Variants in UBQLN4 observed in about 807,000 individuals in gnomAD.
UBQLN4 encodes ubiquilin-4.
UBQLN4 carries 11 observed loss-of-function variants against 60.4 expected under a neutral mutation model. The ratio of observed to expected loss-of-function variants is 0.18; its 90% CI spans 0.11 to 0.30. UBQLN4 has a LOEUF of 0.30. Ranked by LOEUF, UBQLN4 falls within the 10% of genes least tolerant of loss-of-function variation. UBQLN4 has a pLI of 1.00. For missense variants in UBQLN4, 417 were observed against 795.5 expected, an observed-to-expected ratio of 0.52 and a Z score of 5.72; for synonymous variants, 258 against 313.1, an observed-to-expected ratio of 0.82 and a Z score of 1.86.
At chr1:156,042,457 T>A in intron 7 of UBQLN4, 1 of 1,394,996 alleles carries the variant, frequency 7.2e-7, no homozygotes, top group Non-Finnish European at 9.3e-7. Context: ...CAGCCCTGGG[T>A]CTGATGATGA....
At position 156,037,137 on chromosome 1, in the gene UBQLN4, G is replaced by A. The variant is rs1558084341; in HGVS notation, c.1654-7C>T. On this transcript the variant is annotated splice_polypyrimidine_tract_variant and splice_region_variant and intron_variant, in intron 10 of 10. Coordinates refer to ENST00000368309, the MANE Select transcript of UBQLN4 (RefSeq NM_020131.5). ...TCACTTCTGGCGTCTGCACCTGGAG[G>A]GGACAGGCCTTGTGAAGTGGGCACA... 6.2e-7 allele frequency: 1 copy of A among 1,613,542 alleles called. No homozygotes were observed. The highest frequency in any genetic ancestry group is 2.2e-5 in the East Asian group (1 of 44,882).
chr1:156,047,275 ACT>A (rs1182534087), intron 5 of UBQLN4, among the ~76,000 whole-genome samples: 1 of 134,454 alleles, frequency 7.4e-6, no homozygotes, highest in African/African-American at 2.8e-5. Flanking sequence ...ATGGAGTCTC[ACT>A]CTGTCGCCCA....
rs1447519999 is a variant in UBQLN4, at chr1:156,048,984, GAC to G, written c.742-327_742-326del. Among the ~76,000 whole-genome samples the G allele has an allele frequency of 6.6e-6, 1 of 152,198 alleles. No individual in the cohort carries two copies. Among genetic ancestry groups the G allele is most frequent in the Non-Finnish European group, 1.5e-5 (1 of 68,028 alleles). On this transcript the variant is annotated intron_variant, in intron 4 of 10. Coordinates refer to ENST00000368309, the MANE Select transcript of UBQLN4 (RefSeq NM_020131.5). The surrounding 1 kb of genome is among the most constrained non-coding windows in gnomAD (Gnocchi z 4.9). ...TGCACAAGGAAACTGAGTCAGAAGA[GAC>G]ACAGAAAGAAAGGGGAGGAGGCAGA...
At chr1:156,037,281 G>T in intron 10 of UBQLN4, 151 bp from the exon 11 acceptor site, 1 of 982,032 alleles carries the variant, frequency 1.0e-6, no homozygotes, top group South Asian at 1.7e-5. Context: ...GGGCCCAGGA[G>T]CCTAGGTCCC....
chr1:156,042,823 A>C lies in UBQLN4; in HGVS notation c.1217T>G (p.Met406Arg). Reference protein sequence around the residue: ...LMQNVISAPYMRSMMQTLAQN... With the variant: ...LMQNVISAPYRRSMMQTLAQN... ...GGCAAGCGTCTGCATCATGCTGCGCATGTAGGGTGCTGAGATCACATTCTG... is the reference window on the plus strand; with the variant it reads ...GGCAAGCGTCTGCATCATGCTGCGCCTGTAGGGTGCTGAGATCACATTCTG... The change falls in exon 7 of 11, where the codon ATG (methionine) becomes AGG (arginine). Residue 406 changes from methionine to arginine, a missense_variant. By Grantham distance (91) the Met-to-Arg change is moderately conservative. Transcript: ENST00000368309. 1 of 1,614,226 alleles carries C rather than the reference A, an allele frequency of 6.2e-7. No individual in the cohort carries two copies. Among genetic ancestry groups the C allele is most frequent in the Admixed American group, 1.7e-5 (1 of 60,024 alleles).
intron 5 of UBQLN4, among the ~76,000 whole-genome samples, chr1:156,046,056 G>A (rs2102749033): frequency 6.6e-6 from 1 of 151,768 alleles, no homozygotes; most frequent in Non-Finnish European, 1.5e-5. Flanking sequence ...ATGTTGGCCA[G>A]GCTGGTCTCA....
At chr1:156,044,289 C>A in intron 5 of UBQLN4, 66 bp from the exon 6 acceptor site, 1 of 1,411,574 alleles carries the variant, frequency 7.1e-7, no homozygotes, top group South Asian at 1.2e-5. Context: ...TAGGCCCATT[C>A]TCTCCTCTCA....
chr1:156,032,538 C>G (rs1452830167), downstream of UBQLN4, among the ~76,000 whole-genome samples: 1 of 148,798 alleles, frequency 6.7e-6, no homozygotes, highest in African/African-American at 2.5e-5. Context: ...AAAGAATGAA[C>G]GTTTAATGCA....
In UBQLN4 at chr1:156,050,320, T is replaced by A. The variant is rs1211868957; in HGVS notation, c.712A>T (p.Met238Leu). 1.1e-5 allele frequency: 17 copies of A among 1,597,984 alleles called. No homozygotes were observed. The highest frequency in any genetic ancestry group is 1.4e-5 in the Non-Finnish European group (16 of 1,169,470). ...LMERNPEISH[M>L]LNNPELMRQT... Reference sequence around the variant, plus strand: ...CTCATGAGTTCAGGGTTATTGAGCATGTGGCTGATCTCAGGGTTCCGCTCC... The same window carrying A: ...CTCATGAGTTCAGGGTTATTGAGCAAGTGGCTGATCTCAGGGTTCCGCTCC... Residue 238 changes from methionine to leucine, a missense_variant, in exon 4 of 11, where the codon ATG becomes TTG. By Grantham distance (15) the Met-to-Leu change is conservative. Transcript: ENST00000368309. The surrounding 1 kb of genome is among the most constrained non-coding windows in gnomAD (Gnocchi z 4.6).
chr1:156,051,889 G>T, intron 1 of UBQLN4, 32 bp from the exon 2 acceptor site: 2 of 1,612,280 alleles, frequency 1.2e-6, no homozygotes, highest in Non-Finnish European at 1.7e-6. Flanking sequence ...CACTGTGGAG[G>T]CTGCCTGGAC....
In UBQLN4 at chr1:156,041,885, C is replaced by T. The variant is rs1382094185; in HGVS notation, c.1453G>A (p.Gly485Arg). 6.2e-7 allele frequency: 1 copy of T among 1,612,690 alleles called. No homozygotes were observed. The highest frequency in any genetic ancestry group is 8.5e-7 in the Non-Finnish European group (1 of 1,179,672). The change falls in exon 9 of 11, where the codon GGG becomes AGG. Residue 485 changes from glycine (G) to arginine (R), a missense_variant. Gly to Arg is a moderately radical substitution (Grantham distance 125). Transcript: ENST00000368309. ...GLQTLQTEAP[G>R]LVPSLGSFGI... Reference sequence around the variant, plus strand: ...CCCTACCCTCACCTGGGTACCAGCCCAGGGGCCTCGGTCTGCAAGGTCTGT... The same window carrying T: ...CCCTACCCTCACCTGGGTACCAGCCTAGGGGCCTCGGTCTGCAAGGTCTGT...
chr1:156,044,501 A>AATC (rs1683649526), intron 5 of UBQLN4, among the ~76,000 whole-genome samples: 1 of 152,160 alleles, frequency 6.6e-6, no homozygotes, highest in African/African-American at 2.4e-5. Flanking sequence ...TTTGGTCTCT[A>AATC]ATCATCTCCT....
intron 1 of UBQLN4, among the ~76,000 whole-genome samples, chr1:156,052,732 A>G (rs1241903216): frequency 6.6e-6 from 1 of 152,214 alleles, no homozygotes; most frequent in Non-Finnish European, 1.5e-5. Flanking sequence ...TCTTAACTAA[A>G]CACACTGCCT....
At position 156,051,813 on chromosome 1, in the gene UBQLN4, C is replaced by T. The variant is rs1275595023; in HGVS notation, c.153G>A (p.Gln51=). Residue 51 remains glutamine, a synonymous_variant, in exon 2 of 11, where the codon CAG becomes CAA. Coordinates refer to ENST00000368309, the MANE Select transcript of UBQLN4 (RefSeq NM_020131.5). ...TCTTGCCTGCGAAGATCAGGACCAG[C>T]TGATCCTGCTGAGCCTTAAACCTCC... is the stretch of plus-strand genomic sequence containing the variant. ...ISRRFKAQQD[Q]LVLIFAGKIL... 2 of 1,614,042 alleles carry T rather than the reference C, an allele frequency of 1.2e-6. No individual in the cohort carries two copies. Among genetic ancestry groups the T allele is most frequent in the Admixed American group, 3.3e-5 (2 of 60,000 alleles).
chr1:156,038,865 A>G (rs7555839), intron 10 of UBQLN4, among the ~76,000 whole-genome samples: 14,387 of 141,302 alleles, frequency 0.1, 757 homozygotes, highest in Middle Eastern at 0.24. Flanking sequence ...GGCTGGATGC[A>G]GTGGCATGAT....
intron 10 of UBQLN4, 82 bp downstream of exon 10, chr1:156,041,403 C>T: frequency 7.0e-7 from 1 of 1,421,034 alleles, no homozygotes; most frequent in Non-Finnish European, 9.3e-7. Flanking sequence ...GCTTGCCCTA[C>T]TGCCTCTATT....
In UBQLN4 at chr1:156,051,865, C is replaced by A. The variant is rs1411590668; in HGVS notation, c.109-8G>T. ...GGAGATTTCCTCTTTGAACTGTGAT[C>A]AAGAGGCAGAGGTCACTGTGGAGGC... On this transcript the variant is annotated splice_region_variant and splice_polypyrimidine_tract_variant and intron_variant, in intron 1 of 10. Coordinates refer to ENST00000368309, the MANE Select transcript of UBQLN4 (RefSeq NM_020131.5). 1 of 1,613,996 alleles carries A rather than the reference C, an allele frequency of 6.2e-7. No individual in the cohort carries two copies. The highest frequency in any genetic ancestry group is 1.1e-5 in the South Asian group (1 of 91,064).
At chr1:156,039,929 T>G (rs1572270228) in intron 10 of UBQLN4, among the ~76,000 whole-genome samples, 1 of 77,324 alleles carries the variant, frequency 1.3e-5, no homozygotes, top group South Asian at 5.9e-4. Context: ...AGAGCGAGAC[T>G]CCGTCTCAAA....
rs2102753681 is a variant in UBQLN4, at chr1:156,048,970, A to G, written c.742-311T>C. On this transcript the variant is annotated intron_variant, in intron 4 of 10. Coordinates refer to ENST00000368309, the MANE Select transcript of UBQLN4 (RefSeq NM_020131.5). The surrounding 1 kb of genome is among the most constrained non-coding windows in gnomAD (Gnocchi z 4.9). ...AAGAAGTGTCAGGGTGCACAAGGAA[A>G]CTGAGTCAGAAGAGACACAGAAAGA... is the stretch of plus-strand genomic sequence containing the variant. Among the ~76,000 whole-genome samples the G allele has an allele frequency of 6.6e-6, 1 of 152,310 alleles. No homozygotes were observed. The highest frequency in any genetic ancestry group is 1.9e-4 in the East Asian group (1 of 5,184).
Sources: allele counts gnomAD v4.1 joint callset (sites outside exome capture counted in the v4.1 genomes callset), GRCh38; gene constraint gnomAD v4.1.1; non-coding constraint Gnocchi (gnomAD v3.1); transcripts MANE v1.5; gene names NCBI Gene and HGNC (gene_info 2026-07-23, HGNC 2026-07-21).